The following WDR7 variants were observed in gnomAD, a reference collection of about 807,000 sequenced individuals.
WDR7 encodes WD repeat domain 7, also known as WD repeat-containing protein 7.
WDR7 carries 46 observed loss-of-function variants against 169.4 expected under a neutral mutation model. The observed-to-expected ratio is 0.27, with a 90% confidence interval of 0.21 to 0.35. WDR7 has a LOEUF of 0.35. WDR7 is among the 10% of genes least tolerant of loss of function. WDR7 has a pLI of 1.00. For synonymous variants in WDR7, 612 were observed against 666.8 expected (o/e 0.92, Z 1.27); for missense variants, 1,534 against 1,859.3 (o/e 0.83, Z 3.22).
In WDR7 at chr18:56,682,791, T is replaced by C. The variant is rs920283426; in HGVS notation, c.458T>C (p.Val153Ala). 1.2e-6 allele frequency: 2 copies of C among 1,613,742 alleles called. No homozygotes were observed. Among genetic ancestry groups the C allele is most frequent in the Middle Eastern group, 1.6e-4 (1 of 6,082 alleles). The change falls in exon 5 of 28, where the codon GTA (valine) becomes GCA (alanine). Residue 153 changes from valine (V) to alanine (A), a missense_variant. Transcript: ENST00000254442. ...ATSLEVLYSLVSKISPDWISS... is the reference protein window; with the variant it reads ...ATSLEVLYSLASKISPDWISS... ...AGCCTTGAAGTATTATACTCCTTAG[T>C]ATCAAAGATATCACCAGACTGGATT...
At chr18:56,747,802 G>A (rs1181686033) in intron 14 of WDR7, among the ~76,000 whole-genome samples, 1 of 151,574 alleles carries the variant, frequency 6.6e-6, no homozygotes, top group Non-Finnish European at 1.5e-5. Context: ...ATCGTGATGA[G>A]GGAAGAGGGT....
At chr18:56,672,341 A>G (rs1035491627) in intron 1 of WDR7, among the ~76,000 whole-genome samples, 156 bp from the exon 2 acceptor site, 1 of 151,934 alleles carries the variant, frequency 6.6e-6, no homozygotes, top group Non-Finnish European at 1.5e-5. Flanking sequence ...ATAATAAACT[A>G]GTCGTTTTTT....
chr18:56,876,014 A>G (rs2046017181), intron 20 of WDR7, among the ~76,000 whole-genome samples: 1 of 152,050 alleles, frequency 6.6e-6, no homozygotes, highest in Non-Finnish European at 1.5e-5. Context: ...TAACATCACC[A>G]CCTTATACAG....
chr18:56,669,789 C>T (rs2025095005), intron 1 of WDR7, among the ~76,000 whole-genome samples: 2 of 151,750 alleles, frequency 1.3e-5, no homozygotes, highest in African/African-American at 2.4e-5. Context: ...TTTTTTTATC[C>T]CAATAAATCC....
At chr18:56,952,345 A>G (rs1394410944) in intron 25 of WDR7, among the ~76,000 whole-genome samples, 2 of 152,222 alleles carry the variant, frequency 1.3e-5, no homozygotes, top group Non-Finnish European at 2.9e-5. Context: ...GGCAACATTC[A>G]ACTCCAAAAT....
At chr18:57,033,175 G>A (rs1341952701), downstream of WDR7, 1 of 152,126 alleles carries the variant, frequency 6.6e-6, no homozygotes, top group East Asian at 1.9e-4. Flanking sequence ...TGGAATAAGT[G>A]CTGAGACCCG....
intron 12 of WDR7, among the ~76,000 whole-genome samples, chr18:56,701,527 TA>T (rs2025834700): frequency 6.6e-6 from 1 of 152,240 alleles, no homozygotes; most frequent in African/African-American, 2.4e-5. Flanking sequence ...TCTCATGATT[TA>T]TTGCTATTCA....
At chr18:56,875,051 G>T (rs766094607) in intron 20 of WDR7, among the ~76,000 whole-genome samples, 4 of 152,076 alleles carry the variant, frequency 2.6e-5, no homozygotes, top group Non-Finnish European at 5.9e-5. Context: ...CCAACATCCA[G>T]ATTTTTTTGT....
At chr18:57,006,422 T>TC (rs1321274029) in intron 26 of WDR7, among the ~76,000 whole-genome samples, 1 of 152,192 alleles carries the variant, frequency 6.6e-6, no homozygotes, top group Non-Finnish European at 1.5e-5. Context: ...ACAACATTTT[T>TC]CATTGACAAA....
At chr18:57,010,428 T>C (rs2048120656) in intron 26 of WDR7, 7 of 369,152 alleles carry the variant, frequency 1.9e-5, no homozygotes, top group Non-Finnish European at 2.6e-5. Flanking sequence ...TGTGTAATTA[T>C]ATTTTTAAAT....
chr18:57,007,997 A>G (rs2048088762), intron 26 of WDR7, among the ~76,000 whole-genome samples: 1 of 152,052 alleles, frequency 6.6e-6, no homozygotes, highest in Admixed American at 6.5e-5. Context: ...TTCTTTTCAT[A>G]AACCTGTTCC....
chr18:56,688,046 C>G (rs2025479232), intron 7 of WDR7, among the ~76,000 whole-genome samples: 1 of 152,182 alleles, frequency 6.6e-6, no homozygotes, highest in Admixed American at 6.5e-5. Flanking sequence ...CTGCTTACCA[C>G]AGGAGGACTT....
At chr18:56,807,820 T>C (rs1199910410) in intron 19 of WDR7, among the ~76,000 whole-genome samples, 5 of 152,202 alleles carry the variant, frequency 3.3e-5, no homozygotes, top group African/African-American at 1.2e-4. Flanking sequence ...ATTTCTCTAA[T>C]TACTTTGTGG....
At chr18:56,725,109 A>T (rs905773977) in intron 13 of WDR7, among the ~76,000 whole-genome samples, 1 of 150,670 alleles carries the variant, frequency 6.6e-6, no homozygotes, top group Non-Finnish European at 1.5e-5. Flanking sequence ...TGCTGCAATA[A>T]ACATATGTGT....
intron 19 of WDR7, among the ~76,000 whole-genome samples, chr18:56,790,861 A>AT (rs900364593): frequency 1.3e-4 from 20 of 150,862 alleles, no homozygotes; most frequent in Middle Eastern, 6.8e-3. Context: ...ATAAAGAAAA[A>AT]TTTTTTTTTT....
At chr18:56,789,432 G>A (rs1009758320) in intron 19 of WDR7, among the ~76,000 whole-genome samples, 11 of 152,298 alleles carry the variant, frequency 7.2e-5, no homozygotes, top group African/African-American at 1.2e-4. Context: ...GAACTCCTCC[G>A]CACAAGCGGT....
At chr18:57,002,429 T>G (rs2145889991) in intron 26 of WDR7, among the ~76,000 whole-genome samples, 1 of 152,332 alleles carries the variant, frequency 6.6e-6, no homozygotes, top group Middle Eastern at 3.4e-3. Context: ...ATTTCTGTAG[T>G]CAGACTTTAG....
chr18:56,869,577 T>A (rs1414425443), intron 20 of WDR7, among the ~76,000 whole-genome samples: 1 of 152,198 alleles, frequency 6.6e-6, no homozygotes, highest in Non-Finnish European at 1.5e-5. Context: ...GGGGAAAATC[T>A]ATGCCGCTAA....
chr18:56,678,484 A>C (rs10871738), intron 2 of WDR7, among the ~76,000 whole-genome samples: 11 of 152,100 alleles, frequency 7.2e-5, no homozygotes, highest in Admixed American at 5.9e-4. Context: ...TTTAGGGGAG[A>C]CCCAGTAACA....
Sources: gnomAD v4.1 joint callset for allele counts (sites outside exome capture counted in the v4.1 genomes callset) on GRCh38, gnomAD v4.1.1 for gene constraint, MANE v1.5 for transcripts, NCBI Gene and HGNC (gene_info 2026-07-23, HGNC 2026-07-21) for gene names.